The following SLC35F3 variants were observed in gnomAD, a reference collection of about 807,000 sequenced individuals.
SLC35F3 encodes the protein putative thiamine transporter SLC35F3.
Under a neutral mutation model 49.9 loss-of-function variants are expected in SLC35F3, and 25 were observed. The ratio of observed to expected loss-of-function variants is 0.50; its 90% CI spans 0.37 to 0.70. The LOEUF (loss-of-function observed/expected upper bound fraction) is 0.70. Among genes scored for constraint, SLC35F3 ranks in the 30% least tolerant of loss-of-function variants. The probability of loss-of-function intolerance (pLI) is 0.00; values close to 1 mark genes in which losing one functional copy is unlikely to be tolerated. For missense variants in SLC35F3, 525 were observed against 639.8 expected (o/e 0.82, Z 1.94); for synonymous variants, 275 against 265.4 (o/e 1.04, Z -0.35).
intron 2 of SLC35F3, among the ~76,000 whole-genome samples, chr1:233,960,703 T>C (rs1662785221): frequency 6.6e-6 from 1 of 152,200 alleles, no homozygotes; most frequent in Non-Finnish European, 1.5e-5. Flanking sequence ...CAACTCTGTT[T>C]CATCACAGAA....
chr1:234,172,522 G>A (rs1331363003), intron 2 of SLC35F3, among the ~76,000 whole-genome samples: 1 of 152,150 alleles, frequency 6.6e-6, no homozygotes, highest in Non-Finnish European at 1.5e-5. Context: ...GCACCTGGCC[G>A]AATTGTTTAA....
At chr1:234,001,049 A>G (rs1663545828) in intron 2 of SLC35F3, among the ~76,000 whole-genome samples, 1 of 152,218 alleles carries the variant, frequency 6.6e-6, no homozygotes, top group Admixed American at 6.5e-5. Flanking sequence ...TTGAAAAGAG[A>G]GTCCTGACAG....
At chr1:233,917,106 A>G (rs188244426) in intron 2 of SLC35F3, among the ~76,000 whole-genome samples, 2 of 152,296 alleles carry the variant, frequency 1.3e-5, no homozygotes, top group Admixed American at 1.3e-4. Flanking sequence ...ATTACAAGAC[A>G]TATACATCTC....
In SLC35F3 at chr1:234,068,377, G is replaced by A. The variant is rs763687710; in HGVS notation, c.283+162619G>A. Among the ~76,000 whole-genome samples, 5 of 152,146 alleles carry A rather than the reference G, an allele frequency of 3.3e-5. 1 individual carries two copies. Among genetic ancestry groups the A allele is most frequent in the Admixed American group, 3.3e-4 (5 of 15,276 alleles). The stretch of plus-strand genomic sequence containing the variant: ...TGCTGTCAGCCAGATGCAGTCAAGG[G>A]TGCTGTGAAAGGTGCAAAGGTAAGT... On this transcript the variant is annotated intron_variant, in intron 2 of 7. Coordinates refer to ENST00000366618, the MANE Select transcript of SLC35F3 (RefSeq NM_173508.4).
intron 2 of SLC35F3, among the ~76,000 whole-genome samples, chr1:233,941,091 C>T (rs779051547): frequency 3.9e-5 from 6 of 152,124 alleles, no homozygotes; most frequent in Admixed American, 2.0e-4. Flanking sequence ...GGAACAGTAA[C>T]GGAAATGAAC....
At chr1:234,287,867 G>C (rs946930415) in intron 3 of SLC35F3, among the ~76,000 whole-genome samples, 5 of 152,110 alleles carry the variant, frequency 3.3e-5, no homozygotes, top group Non-Finnish European at 7.4e-5. Context: ...AAAGACTATT[G>C]CCTTGAACTT....
intron 2 of SLC35F3, among the ~76,000 whole-genome samples, chr1:234,078,153 T>A (rs1664824758): frequency 6.6e-6 from 1 of 152,198 alleles, no homozygotes; most frequent in South Asian, 2.1e-4. Context: ...GCATTCATCT[T>A]TTTCCTTTAG....
chr1:234,128,271 A>C (rs1245435603), intron 2 of SLC35F3, among the ~76,000 whole-genome samples: 5 of 152,264 alleles, frequency 3.3e-5, no homozygotes, highest in African/African-American at 1.2e-4. Flanking sequence ...TGTTTGATGC[A>C]TGTGTACAGC....
intron 2 of SLC35F3, among the ~76,000 whole-genome samples, chr1:234,004,283 GAGAGC>G (rs1439907489): frequency 6.6e-5 from 10 of 152,152 alleles, no homozygotes; most frequent in Admixed American, 1.3e-4. Context: ...AGGAATGAAT[GAGAGC>G]TGTCCTTTCA....
At chr1:234,109,936 A>G (rs1665380203) in intron 2 of SLC35F3, among the ~76,000 whole-genome samples, 1 of 152,214 alleles carries the variant, frequency 6.6e-6, no homozygotes, top group African/African-American at 2.4e-5. Context: ...CTGCCAGAAA[A>G]TGTAGCACCT....
intron 2 of SLC35F3, among the ~76,000 whole-genome samples, chr1:234,098,261 T>TTGG (rs948149417): frequency 7.5e-6 from 1 of 133,552 alleles, no homozygotes; most frequent in Admixed American, 7.4e-5. Context: ...TGATTGTGTG[T>TTGG]TGGTGGTGGT....
chr1:234,030,282 G>A (rs962314716), intron 2 of SLC35F3, among the ~76,000 whole-genome samples: 3 of 152,146 alleles, frequency 2.0e-5, no homozygotes, highest in African/African-American at 4.8e-5. Context: ...TGTCTGTGCT[G>A]CTCACTGTTA....
chr1:234,162,668 G>T (rs1666246876), intron 2 of SLC35F3, among the ~76,000 whole-genome samples: 1 of 152,032 alleles, frequency 6.6e-6, no homozygotes, highest in African/African-American at 2.4e-5. Context: ...CTTGACCTAT[G>T]TAGCCATTGA....
intron 2 of SLC35F3, among the ~76,000 whole-genome samples, chr1:234,227,588 CG>C (rs1254901578): frequency 6.6e-6 from 1 of 151,900 alleles, no homozygotes; most frequent in Non-Finnish European, 1.5e-5. Flanking sequence ...TTAGGAGAGA[CG>C]GGGTTTCACC....
chr1:233,948,102 C>G (rs1221552259), intron 2 of SLC35F3, among the ~76,000 whole-genome samples: 1 of 150,482 alleles, frequency 6.6e-6, no homozygotes, highest in Non-Finnish European at 1.5e-5. Flanking sequence ...GACTTGCTTG[C>G]ACCTCATGTG....
chr1:233,934,675 C>G (rs1289724680), intron 2 of SLC35F3, among the ~76,000 whole-genome samples: 2 of 151,810 alleles, frequency 1.3e-5, no homozygotes, highest in East Asian at 3.9e-4. Context: ...GCATCTAGAG[C>G]AAGAAACAGA....
chr1:234,211,501 C>G (rs6699519), intron 2 of SLC35F3, among the ~76,000 whole-genome samples: 19,072 of 152,222 alleles, frequency 0.13, 3,208 homozygotes, highest in East Asian at 0.84. Flanking sequence ...ACATGGGAAC[C>G]CCCCCCTTAC....
At chr1:234,230,465 A>G (rs1304148956) in intron 2 of SLC35F3, among the ~76,000 whole-genome samples, 1 of 152,242 alleles carries the variant, frequency 6.6e-6, no homozygotes, top group Non-Finnish European at 1.5e-5. Context: ...CAGGCACAAC[A>G]TCATTATAAA....
chr1:234,236,928 TATATATA>T (rs1558269489), intron 3 of SLC35F3, among the ~76,000 whole-genome samples: 2 of 18,340 alleles, frequency 1.1e-4, no homozygotes, highest in African/African-American at 6.1e-4. Context: ...AAAAAAATTA[TATATATA>T]TATATATATA....
Sources: gnomAD v4.1 joint callset for allele counts (sites outside exome capture counted in the v4.1 genomes callset) on GRCh38, gnomAD v4.1.1 for gene constraint, MANE v1.5 for transcripts, NCBI Gene and HGNC (gene_info 2026-07-23, HGNC 2026-07-21) for gene names.